The following MYO3B variants were observed in gnomAD, a reference collection of about 807,000 sequenced individuals.
MYO3B encodes the protein myosin-IIIb.
In MYO3B, 156 loss-of-function variants were observed where a neutral mutation model predicts 174.6. The ratio of observed to expected loss-of-function variants is 0.89; its 90% CI spans 0.78 to 1.02. MYO3B has a LOEUF of 1.02. MYO3B is among the 50% of genes least tolerant of loss of function. The pLI is 0.00. For missense variants in MYO3B, 1,632 were observed against 1,639.4 expected (o/e 1.00, Z 0.08); for synonymous variants, 563 against 569.1 (o/e 0.99, Z 0.15).
At chr2:170,492,203 G>A in intron 25 of MYO3B, among the ~76,000 whole-genome samples, 1 of 152,218 alleles carries the variant, frequency 6.6e-6, no homozygotes, top group Non-Finnish European at 1.5e-5. Flanking sequence ...ATAAGCAGCT[G>A]GTATTGCCAG....
At chr2:170,534,640 G>A (rs759962364) in intron 30 of MYO3B, among the ~76,000 whole-genome samples, 2 of 152,096 alleles carry the variant, frequency 1.3e-5, no homozygotes, top group East Asian at 1.9e-4. Flanking sequence ...AGGTCTCACT[G>A]TGTTGCCCAG....
At chr2:170,622,028 T>C (rs1695964143) in intron 32 of MYO3B, among the ~76,000 whole-genome samples, 1 of 152,198 alleles carries the variant, frequency 6.6e-6, no homozygotes. Context: ...TTCTCAACCT[T>C]CATTTCAAAA....
chr2:170,544,038 G>A, intron 32 of MYO3B, 50 bp downstream of exon 32: 3 of 1,427,286 alleles, frequency 2.1e-6, no homozygotes, highest in African/African-American at 1.4e-5. Context: ...TTGCATGTTT[G>A]TGTACTTTTT....
chr2:170,594,378 C>T (rs142772896), intron 32 of MYO3B, among the ~76,000 whole-genome samples: 3 of 152,122 alleles, frequency 2.0e-5, no homozygotes, highest in Non-Finnish European at 4.4e-5. Flanking sequence ...AGGAGAGACT[C>T]TAGGCTTGCA....
At chr2:170,311,150 A>G (rs956679251) in intron 7 of MYO3B, among the ~76,000 whole-genome samples, 3 of 152,104 alleles carry the variant, frequency 2.0e-5, no homozygotes, top group African/African-American at 4.8e-5. Context: ...GGGAGTGGAA[A>G]TGCTGGGCGA....
chr2:170,370,624 TACACACACACAC>T (rs55790344), intron 9 of MYO3B, among the ~76,000 whole-genome samples: 11,649 of 129,460 alleles, frequency 0.09, 645 homozygotes, highest in African/African-American at 0.16. Context: ...ACCACCCACC[TACACACACACAC>T]ACACACACAC....
chr2:170,532,003 A>T (rs925864065), intron 30 of MYO3B, among the ~76,000 whole-genome samples: 6 of 152,240 alleles, frequency 3.9e-5, no homozygotes, highest in African/African-American at 1.4e-4. Context: ...AGTCCCCATA[A>T]GAAACTTATT....
At chr2:170,525,853 G>A (rs972760884) in intron 30 of MYO3B, among the ~76,000 whole-genome samples, 5 of 152,246 alleles carry the variant, frequency 3.3e-5, no homozygotes, top group East Asian at 1.9e-4. Flanking sequence ...ATATCTTGAC[G>A]AACATTGTGT....
intron 8 of MYO3B, among the ~76,000 whole-genome samples, chr2:170,360,191 G>C (rs1439173717): frequency 2.0e-5 from 3 of 152,140 alleles, no homozygotes; most frequent in Non-Finnish European, 4.4e-5. Flanking sequence ...TCTCCTTGTA[G>C]GGAGAAGAAT....
At chr2:170,189,165 C>T (rs1191628245) in intron 1 of MYO3B, among the ~76,000 whole-genome samples, 1 of 151,982 alleles carries the variant, frequency 6.6e-6, no homozygotes. Context: ...TTTAAATATG[C>T]CGTGTCACTG....
At chr2:170,487,897 G>C (rs527288130) in intron 25 of MYO3B, among the ~76,000 whole-genome samples, 1 of 152,290 alleles carries the variant, frequency 6.6e-6, no homozygotes, top group African/African-American at 2.4e-5. Context: ...ATCTAAAATG[G>C]TGATTCTTCT....
At chr2:170,586,448 T>A (rs538479491) in intron 32 of MYO3B, among the ~76,000 whole-genome samples, 1 of 152,338 alleles carries the variant, frequency 6.6e-6, no homozygotes, top group Admixed American at 6.5e-5. Context: ...GATTATCTTT[T>A]TGTGTGCACC....
rs190226307 is a variant in MYO3B, at chr2:170,185,967, G to A, written c.2+7678G>A. ...GCTATTGGAATATAGAAATGCTACCGATTTTTGTATGTTGATTTTGTATCC... is the reference window on the plus strand; with the variant it reads ...GCTATTGGAATATAGAAATGCTACCAATTTTTGTATGTTGATTTTGTATCC... On this transcript the variant is annotated intron_variant, in intron 1 of 34. Coordinates refer to ENST00000408978, the MANE Select transcript of MYO3B (RefSeq NM_138995.5). 3.2e-4 allele frequency among the ~76,000 whole-genome samples: 49 copies of A among 152,194 alleles called. No homozygotes were observed. In the East Asian group the frequency reaches 5.2e-3, roughly 16 times the overall value.
At chr2:170,330,588 A>G (rs1332857631) in intron 7 of MYO3B, among the ~76,000 whole-genome samples, 5 of 152,216 alleles carry the variant, frequency 3.3e-5, no homozygotes, top group Admixed American at 6.5e-5. Context: ...GTAAGCACTC[A>G]ACATATGATG....
At chr2:170,239,667 C>A (rs1458425182) in intron 7 of MYO3B, among the ~76,000 whole-genome samples, 1 of 152,236 alleles carries the variant, frequency 6.6e-6, no homozygotes, top group Admixed American at 6.5e-5. Context: ...ATTATCCCTT[C>A]CTAAAGAGAA....
rs1288819977 is a variant in MYO3B, at chr2:170,653,306, T to C, written c.*185T>C. On this transcript the variant is annotated 3_prime_UTR_variant, in exon 35 of 35. Coordinates refer to ENST00000408978, the MANE Select transcript of MYO3B (RefSeq NM_138995.5). ...TCCTATCCTCTACCACTCTCCCACATGTGTTGTGCAGCCTGAGCTGGGCGC... is the reference window on the plus strand; with the variant it reads ...TCCTATCCTCTACCACTCTCCCACACGTGTTGTGCAGCCTGAGCTGGGCGC... 1.6e-5 allele frequency: 11 copies of C among 676,478 alleles called. No individual in the cohort carries two copies. The highest frequency in any genetic ancestry group is 2.5e-5 in the Non-Finnish European group (10 of 406,814). The allele number at this position is 676,478 out of a possible 1,614,324, so 41.9% of individuals were successfully genotyped here.
At chr2:170,556,558 G>A (rs1352009493) in intron 32 of MYO3B, among the ~76,000 whole-genome samples, 3 of 150,892 alleles carry the variant, frequency 2.0e-5, no homozygotes, top group Admixed American at 1.3e-4. Flanking sequence ...TTTAGCTCTT[G>A]TTGCCCAAGC....
Position 170,475,610 on chromosome 2 carries a change from C to T in MYO3B, c.3014+8899C>T, listed in dbSNP as rs112524537. 5.7e-3 allele frequency among the ~76,000 whole-genome samples: 873 copies of T among 152,302 alleles called. 6 individuals carry two copies. The highest frequency in any genetic ancestry group is 0.02 in the African/African-American group (835 of 41,568). On this transcript the variant is annotated intron_variant, in intron 25 of 34. Transcript: ENST00000408978. ...ACTTTCAGAATACTAATCAATCTTT[C>T]AGCTGAATTTTTGCTTACACTTTGT...
At chr2:170,511,705 G>T (rs538775503) in intron 28 of MYO3B, among the ~76,000 whole-genome samples, 58 of 152,252 alleles carry the variant, frequency 3.8e-4, no homozygotes, top group Admixed American at 6.5e-4. Flanking sequence ...TCAACATCCT[G>T]TCTGTGCAGA....
Sources: allele counts gnomAD v4.1 joint callset (sites outside exome capture counted in the v4.1 genomes callset), GRCh38; gene constraint gnomAD v4.1.1; transcripts MANE v1.5; gene names NCBI Gene and HGNC (gene_info 2026-07-23, HGNC 2026-07-21).